COPS5: variants seen among roughly 807,000 people sequenced by gnomAD.
COPS5 encodes the protein COP9 signalosome complex subunit 5.
Under a neutral mutation model 44.4 loss-of-function variants are expected in COPS5, and 8 were observed. The ratio of observed to expected loss-of-function variants is 0.18; its 90% CI spans 0.11 to 0.32. The LOEUF (loss-of-function observed/expected upper bound fraction) is 0.32, where lower values mean the gene tolerates loss of function less well. Among genes scored for constraint, COPS5 ranks in the 10% least tolerant of loss-of-function variants. The pLI, the probability that COPS5 is intolerant of heterozygous loss-of-function variation, is 1.00. For synonymous variants in COPS5, 122 were observed against 142.8 expected (o/e 0.85, Z 1.04); for missense variants, 159 against 406.4 (o/e 0.39, Z 5.23).
At position 67,062,111 on chromosome 8, in the gene COPS5, C is replaced by G. The variant is rs777127654; in HGVS notation, c.-115G>C. The G allele has an allele frequency of 1.3e-6, 2 of 1,560,534 alleles. No homozygotes were observed. The highest frequency in any genetic ancestry group is 1.7e-6 in the Non-Finnish European group (2 of 1,156,836). ...CCACGGGAACAAACTCTTACCTAGA[C>G]TCTTGGGGCAGCCATGACACCTAGA... On this transcript the variant is annotated 5_prime_UTR_variant, in exon 1 of 8. Coordinates refer to ENST00000357849, the MANE Select transcript of COPS5 (RefSeq NM_006837.3).
At chr8:67,060,177 G>C in intron 1 of COPS5, 1 of 237,208 alleles carries the variant, frequency 4.2e-6, no homozygotes, top group Non-Finnish European at 7.7e-6. Context: ...TTTCAGAGTT[G>C]GTCATCAGTG....
Position 67,051,345 on chromosome 8 carries a change from T to C in COPS5, c.660-4A>G, listed in dbSNP as rs200021982. 13 of 1,537,808 alleles carry C rather than the reference T, an allele frequency of 8.5e-6. No individual in the cohort carries two copies. Among genetic ancestry groups the C allele is most frequent in the East Asian group, 2.2e-5 (1 of 44,504 alleles). ...TGAGACTTCTAAGGCATAATATCTA[T>C]GAAATAAAAGCATAAAATTTAGTAA... On this transcript the variant is annotated splice_region_variant and splice_polypyrimidine_tract_variant and intron_variant, in intron 5 of 7. Transcript: ENST00000357849.
rs772776826 is a variant in COPS5 at position 67,045,931 on chromosome 8, A to G, written c.801T>C (p.Phe267=). The change falls in exon 7 of 8, where the codon TTT becomes TTC. Residue 267 remains phenylalanine, a synonymous_variant. Transcript: ENST00000357849. ...TNADYTTGQV[F]DLSEKLEQSE... is the part of the protein sequence containing the mutation. ...ACTGCTCTAACTTTTCAGACAAATC[A>G]AAGACCTGACCAGTGGTATAGTCTG... The G allele has an allele frequency of 9.3e-6, 15 of 1,614,064 alleles. No individual in the cohort carries two copies. In the Admixed American group the frequency reaches 2.0e-4, roughly 22 times the overall value.
intron 5 of COPS5, among the ~76,000 whole-genome samples, chr8:67,053,043 CAG>C (rs1323600621): frequency 6.6e-6 from 1 of 151,922 alleles, no homozygotes; most frequent in African/African-American, 2.4e-5. Flanking sequence ...GGTTCAGACT[CAG>C]AGGTTAGTGG....
intron 7 of COPS5, 93 bp from the exon 8 acceptor site, chr8:67,043,410 G>T: frequency 2.8e-6 from 2 of 718,016 alleles, no homozygotes; most frequent in South Asian, 1.8e-5. Flanking sequence ...TAACTCCAAT[G>T]AGTTTAGTTT....
chr8:67,050,426 T>G (rs955892651), intron 6 of COPS5, among the ~76,000 whole-genome samples: 3 of 152,176 alleles, frequency 2.0e-5, no homozygotes, highest in African/African-American at 7.2e-5. Context: ...GGCTCAGCAG[T>G]AAAGCACTTG....
intron 1 of COPS5, chr8:67,060,716 G>C: frequency 3.1e-6 from 1 of 321,456 alleles, no homozygotes; most frequent in Non-Finnish European, 6.2e-6. Context: ...CAATCAACTA[G>C]TTAGTGACAG....
At chr8:67,046,050 G>T (rs1490444220) in intron 6 of COPS5, 90 bp from the exon 7 acceptor site, 2 of 1,271,748 alleles carry the variant, frequency 1.6e-6, no homozygotes, top group Non-Finnish European at 2.2e-6. Context: ...TTTCTACAAA[G>T]AATATTTCAT....
chr8:67,058,500 G>A (rs1325384801), intron 2 of COPS5, among the ~76,000 whole-genome samples: 1 of 152,024 alleles, frequency 6.6e-6, no homozygotes, highest in African/African-American at 2.4e-5. Context: ...AAACTGCTTT[G>A]GAGTTTGCTT....
Position 67,062,008 on chromosome 8 carries a change from C to G in COPS5, c.-12G>C. On this transcript the variant is annotated 5_prime_UTR_variant, in exon 1 of 8. Coordinates refer to ENST00000357849, the MANE Select transcript of COPS5 (RefSeq NM_006837.3). ...CCGGACGCCGCCATCGCCGAGGAAG[C>G]GGAGAAGTTGTCGTCTCTACAACCA... 1 of 1,614,180 alleles carries G rather than the reference C, an allele frequency of 6.2e-7. No homozygotes were observed. The highest frequency in any genetic ancestry group is 8.5e-7 in the Non-Finnish European group (1 of 1,180,034).
chr8:67,062,075 G>A lies in COPS5; in HGVS notation c.-79C>T. On this transcript the variant is annotated 5_prime_UTR_variant, in exon 1 of 8. Transcript: ENST00000357849. Reference sequence around the variant, plus strand: ...CGCTAGGTTTCCGGGTGTGGGCCTTGACCCTCCGCACCACGGGAACAAACT... The same window carrying A: ...CGCTAGGTTTCCGGGTGTGGGCCTTAACCCTCCGCACCACGGGAACAAACT... 1.9e-6 allele frequency: 3 copies of A among 1,604,096 alleles called. No individual in the cohort carries two copies. The highest frequency in any genetic ancestry group is 2.5e-6 in the Non-Finnish European group (3 of 1,176,666).
chr8:67,051,364 T>C (rs554270177), intron 5 of COPS5, 23 bp from the exon 6 acceptor site: 2 of 1,420,662 alleles, frequency 1.4e-6, no homozygotes, highest in African/African-American at 1.4e-5. Flanking sequence ...AGCATAAAAT[T>C]TAGTAAGTAA....
chr8:67,057,002 G>A lies in COPS5; in HGVS notation c.573+378C>T, dbSNP rs113186354. On this transcript the variant is annotated intron_variant, in intron 4 of 7. Transcript: ENST00000357849. ...TCTAGTACCTGGCAGAATGCCACAG[G>A]CACACAGATACTTATTAATAAATAA... is the stretch of plus-strand genomic sequence containing the variant. 4.4e-3 allele frequency among the ~76,000 whole-genome samples: 675 copies of A among 151,972 alleles called. 8 individuals are homozygous for A. The highest frequency in any genetic ancestry group is 0.015 in the African/African-American group (640 of 41,492).
chr8:67,045,773 G>C, intron 7 of COPS5, 39 bp downstream of exon 7: 1 of 1,608,852 alleles, frequency 6.2e-7, no homozygotes, highest in Non-Finnish European at 8.5e-7. Context: ...GAAAGAAAAA[G>C]AGTTAGGGGC....
chr8:67,051,391 ACGTCACAT>A, intron 5 of COPS5, 50 bp from the exon 6 acceptor site: 1 of 989,830 alleles, frequency 1.0e-6, no homozygotes, highest in Non-Finnish European at 1.5e-6. Context: ...AAATTCAACT[ACGTCACAT>A]AAAACTTATG....
intron 1 of COPS5, chr8:67,061,044 C>G (rs1804601600): frequency 6.1e-6 from 1 of 164,060 alleles, no homozygotes; most frequent in Non-Finnish European, 1.3e-5. Context: ...TCTTTTTACT[C>G]TCAAACATAA....
At chr8:67,052,775 G>A (rs1309814217) in intron 5 of COPS5, among the ~76,000 whole-genome samples, 5 of 147,360 alleles carry the variant, frequency 3.4e-5, no homozygotes, top group African/African-American at 1.0e-4. Context: ...AGCCGAGATC[G>A]CGCCACTGCA....
At chr8:67,061,702 G>C in intron 1 of COPS5, 152 bp downstream of exon 1, 1 of 741,038 alleles carries the variant, frequency 1.3e-6, no homozygotes, top group African/African-American at 1.8e-5. Context: ...CCCCAGCGGA[G>C]GGCTTAGGCT....
chr8:67,058,475 G>A lies in COPS5; in HGVS notation c.379-264C>T, dbSNP rs181041452. ...ATAACATAATAATGTTTTACACTTT[G>A]TTTTTTCACTCAATAAACTGCTTTG... On this transcript the variant is annotated intron_variant, in intron 2 of 7. Transcript: ENST00000357849. Among the ~76,000 whole-genome samples the A allele has an allele frequency of 5.3e-5, 8 of 152,106 alleles. No homozygotes were observed. In the East Asian group the frequency reaches 1.5e-3, roughly 29 times the overall value.
Sources: gnomAD v4.1 joint callset for allele counts (sites outside exome capture counted in the v4.1 genomes callset) on GRCh38, gnomAD v4.1.1 for gene constraint, MANE v1.5 for transcripts, NCBI Gene and HGNC (gene_info 2026-07-23, HGNC 2026-07-21) for gene names.